The following ABLIM1 variants were observed in gnomAD, a reference collection of about 807,000 sequenced individuals.
ABLIM1 encodes actin-binding LIM protein 1.
ABLIM1 carries 40 observed loss-of-function variants against 107.0 expected under a neutral mutation model. The observed-to-expected ratio is 0.37, with a 90% CI of 0.29 to 0.49. The LOEUF (loss-of-function observed/expected upper bound fraction) is 0.49. Ranked by LOEUF, ABLIM1 falls within the 20% of genes least tolerant of loss-of-function variation. ABLIM1 has a pLI of 0.97. For synonymous variants in ABLIM1, 357 were observed against 357.3 expected, an observed-to-expected ratio of 1.00 and a Z score of 0.01; for missense variants, 857 against 1,008.5, an observed-to-expected ratio of 0.85 and a Z score of 2.04.
At chr10:114,652,047 C>T (rs941531350) in intron 1 of ABLIM1, among the ~76,000 whole-genome samples, 1 of 152,144 alleles carries the variant, frequency 6.6e-6, no homozygotes, top group African/African-American at 2.4e-5. Context: ...ACCAACTTTC[C>T]CAGGATGTAT....
At position 114,437,938 on chromosome 10, in the gene ABLIM1, AAAC is replaced by A; in HGVS notation, c.2143-17_2143-15del. 1 of 1,608,262 alleles carries A rather than the reference AAAC, an allele frequency of 6.2e-7. No individual in the cohort carries two copies. Among genetic ancestry groups the A allele is most frequent in the East Asian group, 2.2e-5 (1 of 44,844 alleles). On this transcript the variant is annotated splice_polypyrimidine_tract_variant and intron_variant, in intron 21 of 22. Transcript: ENST00000533213. ...ATATGGAAATATCTGAGAAGAAAGA[AAAC>A]ACCTCTTCTAGAACACCACAGTCCA...
At chr10:114,699,450 T>C (rs561494432) in intron 1 of ABLIM1, among the ~76,000 whole-genome samples, 78 of 152,096 alleles carry the variant, frequency 5.1e-4, no homozygotes, top group Non-Finnish European at 9.9e-4. Flanking sequence ...AAAAGTTAGA[T>C]TTAAAATATA....
chr10:114,571,692 T>C (rs1316000905), intron 3 of ABLIM1, among the ~76,000 whole-genome samples: 1 of 152,154 alleles, frequency 6.6e-6, no homozygotes, highest in Non-Finnish European at 1.5e-5. Context: ...CAGCAAGTGA[T>C]CTAGCAGGGC....
intron 17 of ABLIM1, among the ~76,000 whole-genome samples, chr10:114,443,565 G>A (rs1013957334): frequency 6.6e-6 from 1 of 151,122 alleles, no homozygotes; most frequent in African/African-American, 2.4e-5. Context: ...CGCCTGCCTT[G>A]GCCTCCCAAA....
intron 1 of ABLIM1, among the ~76,000 whole-genome samples, chr10:114,666,657 A>G (rs961881358): frequency 1.9e-5 from 2 of 106,694 alleles, no homozygotes; most frequent in African/African-American, 7.0e-5. Flanking sequence ...CATCTGTAAA[A>G]CAGATACAAG....
At chr10:114,687,642 T>C (rs1267442489), upstream of ABLIM1, among the ~76,000 whole-genome samples, 1 of 152,148 alleles carries the variant, frequency 6.6e-6, no homozygotes, top group African/African-American at 2.4e-5. Flanking sequence ...AATTACAGAA[T>C]AGGAGACAAA....
At chr10:114,536,235 T>C (rs867804067) in intron 6 of ABLIM1, among the ~76,000 whole-genome samples, 1,242 of 11,168 alleles carry the variant, frequency 0.11, 16 homozygotes, top group South Asian at 0.23. Flanking sequence ...TTGTTTTTTT[T>C]TTTTTTTTTT....
chr10:114,445,982 G>A (rs1056094010), intron 15 of ABLIM1, among the ~76,000 whole-genome samples: 1 of 152,162 alleles, frequency 6.6e-6, no homozygotes, highest in Non-Finnish European at 1.5e-5. Context: ...ATATTGCCCA[G>A]GCTGATCTCA....
chr10:114,779,150 T>G, the ABLIM1 span: 1 of 152,164 alleles, frequency 6.6e-6, no homozygotes, highest in African/African-American at 2.4e-5. Flanking sequence ...GAATCACCAG[T>G]GATTTATTCT....
At chr10:114,517,899 C>A (rs868749663) in intron 6 of ABLIM1, among the ~76,000 whole-genome samples, 3 of 152,122 alleles carry the variant, frequency 2.0e-5, no homozygotes, top group Non-Finnish European at 4.4e-5. Context: ...GATGTGCCCA[C>A]CAGACACATG....
chr10:114,437,789 T>A (rs369885140), intron 22 of ABLIM1, 55 bp downstream of exon 22: 5 of 1,437,772 alleles, frequency 3.5e-6, no homozygotes, highest in Non-Finnish European at 3.9e-6. Context: ...AGGGGAGAGT[T>A]GGGGGAGTGC....
chr10:114,538,695 T>G (rs79178894), intron 6 of ABLIM1, among the ~76,000 whole-genome samples: 3,767 of 152,314 alleles, frequency 0.025, 166 homozygotes, highest in African/African-American at 0.085. Flanking sequence ...AGAATGCACA[T>G]AAGACAACTT....
chr10:114,644,329 A>ATG (rs57762748), intron 1 of ABLIM1, among the ~76,000 whole-genome samples: 5,949 of 114,562 alleles, frequency 0.052, 328 homozygotes, highest in East Asian at 0.23. Flanking sequence ...ATATATATAT[A>ATG]TGTGTATATA....
chr10:114,659,764 C>T (rs537697146), upstream of ABLIM1, among the ~76,000 whole-genome samples: 1 of 152,230 alleles, frequency 6.6e-6, no homozygotes, highest in East Asian at 1.9e-4. Flanking sequence ...TCTACGCCAG[C>T]CTTTAAGATG....
chr10:114,603,548 TA>T (rs971994004), intron 1 of ABLIM1, among the ~76,000 whole-genome samples: 57 of 151,696 alleles, frequency 3.8e-4, no homozygotes, highest in African/African-American at 1.4e-3. Flanking sequence ...CTAAAGGAAT[TA>T]AGGAGGGACA....
intron 1 of ABLIM1, among the ~76,000 whole-genome samples, chr10:114,724,699 T>G (rs1314592328): frequency 6.6e-6 from 1 of 152,178 alleles, no homozygotes; most frequent in Admixed American, 6.5e-5. Context: ...TGCCTTCCTC[T>G]CACGAGAACA....
intron 1 of ABLIM1, among the ~76,000 whole-genome samples, chr10:114,678,315 AC>A (rs1287027401): frequency 6.6e-6 from 1 of 152,210 alleles, no homozygotes; most frequent in African/African-American, 2.4e-5. Flanking sequence ...AACTACATTA[AC>A]CTGTTGGCAA....
At chr10:114,440,524 C>T (rs1433961105) in intron 19 of ABLIM1, among the ~76,000 whole-genome samples, 4 of 152,078 alleles carry the variant, frequency 2.6e-5, no homozygotes, top group Non-Finnish European at 5.9e-5. Context: ...TAGCTCACTG[C>T]AGCCTTGAAC....
rs1249103078 is a variant in ABLIM1, at chr10:114,434,244, C to T, written c.*2016G>A. ...CTGGTCTCATCTGCTCATGGCCACC[C>T]TGTCAGAGCCATTTGCTAAACATGT... On this transcript the variant is annotated 3_prime_UTR_variant, in exon 23 of 23. Coordinates refer to ENST00000533213, the MANE Select transcript of ABLIM1 (RefSeq NM_002313.7). 2.0e-5 allele frequency: 3 copies of T among 152,578 alleles called. No homozygotes were observed. The highest frequency in any genetic ancestry group is 7.3e-5 in the African/African-American group (3 of 41,284). The allele number at this position is 152,578 out of a possible 1,614,324, so 9.5% of individuals were successfully genotyped here.
Sources: allele counts gnomAD v4.1 joint callset (sites outside exome capture counted in the v4.1 genomes callset), GRCh38; gene constraint gnomAD v4.1.1; transcripts MANE v1.5; gene names NCBI Gene and HGNC (gene_info 2026-07-23, HGNC 2026-07-21).